ZNF569: variants seen among roughly 807,000 people sequenced by gnomAD.
ZNF569 encodes zinc finger protein 569.
ZNF569 carries 38 observed loss-of-function variants against 56.3 expected under a neutral mutation model. The ratio of observed to expected loss-of-function variants is 0.68; its 90% CI spans 0.52 to 0.88. The LOEUF is 0.88. Among genes scored for constraint, ZNF569 ranks in the 40% least tolerant of loss-of-function variants. ZNF569 has a pLI of 0.00. For synonymous variants in ZNF569, 241 were observed against 262.9 expected (o/e 0.92, Z 0.81); for missense variants, 666 against 809.2 (o/e 0.82, Z 2.15).
At chr19:37,435,202 T>G (rs2041290127) in intron 3 of ZNF569, among the ~76,000 whole-genome samples, 1 of 152,030 alleles carries the variant, frequency 6.6e-6, no homozygotes, top group Admixed American at 6.6e-5. Flanking sequence ...AAGTGTAGAG[T>G]ACTAACTTTC....
intron 2 of ZNF569, chr19:37,454,789 C>T (rs1221130188): frequency 1.4e-6 from 1 of 698,850 alleles, no homozygotes; most frequent in Non-Finnish European, 2.6e-6. Flanking sequence ...CTGACATTCA[C>T]ACTTTAAAAA....
intron 5 of ZNF569, among the ~76,000 whole-genome samples, chr19:37,423,458 T>C (rs547464684): frequency 2.0e-5 from 3 of 152,164 alleles, no homozygotes; most frequent in East Asian, 3.8e-4. Flanking sequence ...TTTAAATTCA[T>C]AGCAAACATA....
chr19:37,435,117 A>T (rs189349153), intron 3 of ZNF569, among the ~76,000 whole-genome samples: 81 of 152,316 alleles, frequency 5.3e-4, no homozygotes, highest in African/African-American at 1.5e-3. Flanking sequence ...GCGAGACTCC[A>T]TCTCAAAAAT....
At chr19:37,468,081 T>TTG (rs1555845140), upstream of ZNF569, 102,919 of 696,896 alleles carry the variant, frequency 0.15, 4,883 homozygotes, top group Middle Eastern at 0.25. Flanking sequence ...GTTTTTTTTT[T>TTG]TTTGTTTGTT....
At chr19:37,418,253 T>C (rs1013519574) in intron 5 of ZNF569, among the ~76,000 whole-genome samples, 5 of 152,050 alleles carry the variant, frequency 3.3e-5, no homozygotes, top group African/African-American at 4.8e-5. Context: ...AAAAACTGGA[T>C]GACGGAATTG....
chr19:37,469,016 C>T (rs775233159), upstream of ZNF569: 320 of 981,962 alleles, frequency 3.3e-4, 1 homozygote, highest in Admixed American at 6.1e-4. Flanking sequence ...TCTCAACTCC[C>T]CGCCCTGGTT....
intron 5 of ZNF569, among the ~76,000 whole-genome samples, chr19:37,422,937 AC>A (rs2041062715): frequency 6.6e-6 from 1 of 152,214 alleles, no homozygotes. Context: ...CAAAAAATAA[AC>A]AATAGGAAAA....
intron 2 of ZNF569, among the ~76,000 whole-genome samples, chr19:37,461,225 G>A (rs148305549): frequency 2.6e-4 from 40 of 152,012 alleles, no homozygotes; most frequent in Non-Finnish European, 5.0e-4. Context: ...TGAAATAATG[G>A]GTCTAGTTAG....
At chr19:37,456,929 T>C (rs2112922) in intron 2 of ZNF569, among the ~76,000 whole-genome samples, 40,605 of 149,894 alleles carry the variant, frequency 0.27, 6,899 homozygotes, top group African/African-American at 0.47. Context: ...GATCGCGCCA[T>C]TGCACTCCAG....
chr19:37,431,083 T>C (rs563902593), intron 3 of ZNF569, among the ~76,000 whole-genome samples: 10 of 152,242 alleles, frequency 6.6e-5, no homozygotes, highest in Non-Finnish European at 1.2e-4. Context: ...GCTAAAGGGC[T>C]CTAGGATCCT....
chr19:37,423,649 C>G (rs1310892749), intron 5 of ZNF569, among the ~76,000 whole-genome samples: 1 of 152,096 alleles, frequency 6.6e-6, no homozygotes, highest in African/African-American at 2.4e-5. Context: ...ACAAGAAAAA[C>G]ATATGACAGA....
chr19:37,453,868 G>A (rs542175393), intron 2 of ZNF569, among the ~76,000 whole-genome samples: 13 of 152,220 alleles, frequency 8.5e-5, no homozygotes, highest in African/African-American at 2.9e-4. Context: ...CAATACCTAT[G>A]TCATAACTAA....
chr19:37,418,947 CCT>C (rs999769623), intron 5 of ZNF569, among the ~76,000 whole-genome samples: 1 of 152,182 alleles, frequency 6.6e-6, no homozygotes, highest in African/African-American at 2.4e-5. Flanking sequence ...AAATTTTTCT[CCT>C]CTCTGCCAGC....
intron 1 of ZNF569, among the ~76,000 whole-genome samples, chr19:37,465,731 G>A (rs574685628): frequency 3.9e-5 from 6 of 152,218 alleles, no homozygotes; most frequent in Admixed American, 3.3e-4. Context: ...GATAGGTTCT[G>A]GGAACCTTTA....
At chr19:37,454,278 G>C (rs2041638202) in intron 2 of ZNF569, among the ~76,000 whole-genome samples, 1 of 151,898 alleles carries the variant, frequency 6.6e-6, no homozygotes, top group Non-Finnish European at 1.5e-5. Context: ...TCTCTTGCAG[G>C]CTTCCTAGCT....
chr19:37,463,204 A>G (rs1341789800), intron 2 of ZNF569, among the ~76,000 whole-genome samples: 64 of 152,194 alleles, frequency 4.2e-4, no homozygotes, highest in Admixed American at 4.0e-3. Context: ...CAGATCACCA[A>G]TATCTTTTCC....
chr19:37,454,427 T>C (rs2041640570), intron 2 of ZNF569, among the ~76,000 whole-genome samples: 1 of 152,138 alleles, frequency 6.6e-6, no homozygotes, highest in Non-Finnish European at 1.5e-5. Flanking sequence ...GATGTGGCCT[T>C]CACAAGTGCT....
upstream of ZNF569, chr19:37,467,582 T>A: frequency 2.2e-6 from 1 of 464,352 alleles, no homozygotes; most frequent in Non-Finnish European, 3.8e-6. Flanking sequence ...TGTGTTTAGT[T>A]CCGTCTTTTT....
intron 5 of ZNF569, among the ~76,000 whole-genome samples, chr19:37,415,340 A>G (rs1456245667): frequency 6.6e-6 from 1 of 152,158 alleles, no homozygotes; most frequent in African/African-American, 2.4e-5. Flanking sequence ...ATTTCTGTAG[A>G]TATTAAGATA....
Sources: gnomAD v4.1 joint callset for allele counts (sites outside exome capture counted in the v4.1 genomes callset) on GRCh38, gnomAD v4.1.1 for gene constraint, MANE v1.5 for transcripts, NCBI Gene and HGNC (gene_info 2026-07-23, HGNC 2026-07-21) for gene names.